The following VAV3 variants were observed in gnomAD, a reference collection of about 807,000 sequenced individuals.
VAV3 encodes vav guanine nucleotide exchange factor 3.
Under a neutral mutation model 131.2 loss-of-function variants are expected in VAV3, and 94 were observed. The observed-to-expected ratio is 0.72, with a 90% CI of 0.61 to 0.85. The LOEUF is 0.85. Among genes scored for constraint, VAV3 ranks in the 40% least tolerant of loss-of-function variants. The probability of loss-of-function intolerance (pLI) is 0.00; values close to 1 mark genes in which losing one functional copy is unlikely to be tolerated. For missense variants in VAV3, 939 were observed against 1,002.7 expected (o/e 0.94, Z 0.86); for synonymous variants, 349 against 342.0 (o/e 1.02, Z -0.22).
intron 20 of VAV3, among the ~76,000 whole-genome samples, chr1:107,624,741 T>C (rs374857795): frequency 1.3e-5 from 2 of 152,214 alleles, no homozygotes; most frequent in East Asian, 3.8e-4. Flanking sequence ...TGAGATATTT[T>C]TAAAGAATGT....
At chr1:107,828,916 A>G (rs971398800) in intron 2 of VAV3, among the ~76,000 whole-genome samples, 2 of 149,980 alleles carry the variant, frequency 1.3e-5, no homozygotes. Context: ...TACCTCTGTG[A>G]TAACACCTGC....
At chr1:107,800,165 G>A (rs1384263185) in intron 2 of VAV3, among the ~76,000 whole-genome samples, 1 of 152,110 alleles carries the variant, frequency 6.6e-6, no homozygotes, top group African/African-American at 2.4e-5. Context: ...AGTGCAGATA[G>A]ATACCTCTTC....
At chr1:107,697,395 G>A (rs1310129940) in intron 17 of VAV3, among the ~76,000 whole-genome samples, 4 of 152,108 alleles carry the variant, frequency 2.6e-5, no homozygotes, top group Non-Finnish European at 5.9e-5. Flanking sequence ...GAGAGAAAGG[G>A]CACCAACGTA....
chr1:107,729,182 A>T (rs1029112974), intron 15 of VAV3, among the ~76,000 whole-genome samples: 9 of 152,210 alleles, frequency 5.9e-5, no homozygotes, highest in African/African-American at 2.2e-4. Context: ...TGACAGCAAC[A>T]GCTTTAATTT....
chr1:107,639,852 T>C (rs1655208661), intron 20 of VAV3, among the ~76,000 whole-genome samples: 1 of 151,736 alleles, frequency 6.6e-6, no homozygotes, highest in Non-Finnish European at 1.5e-5. Context: ...GAAGATGGCT[T>C]GAGCCCAGGA....
chr1:107,859,580 T>A (rs1222554812), intron 2 of VAV3, among the ~76,000 whole-genome samples: 1 of 152,164 alleles, frequency 6.6e-6, no homozygotes, highest in East Asian at 1.9e-4. Context: ...ACTGAGTCCC[T>A]TCCACACTGA....
At chr1:107,670,795 G>A (rs1039428524) in intron 19 of VAV3, among the ~76,000 whole-genome samples, 21 of 151,928 alleles carry the variant, frequency 1.4e-4, no homozygotes, top group African/African-American at 3.6e-4. Flanking sequence ...GTAAAGTGCC[G>A]ACTCGAGTTG....
chr1:107,744,692 G>T (rs1663228012), intron 15 of VAV3, among the ~76,000 whole-genome samples: 1 of 151,944 alleles, frequency 6.6e-6, no homozygotes, highest in South Asian at 2.1e-4. Flanking sequence ...TTTTACTCAG[G>T]TTTAACTTAT....
chr1:107,936,031 T>G (rs78081346), intron 1 of VAV3, among the ~76,000 whole-genome samples: 8,781 of 152,152 alleles, frequency 0.058, 351 homozygotes, highest in African/African-American at 0.11. Context: ...TTACTGAAAT[T>G]TTATGATTTG....
chr1:107,893,253 A>G (rs1345481923), intron 1 of VAV3, among the ~76,000 whole-genome samples: 1 of 152,198 alleles, frequency 6.6e-6, no homozygotes, highest in Admixed American at 6.5e-5. Flanking sequence ...ATACTTTACT[A>G]GACTCAATTT....
chr1:107,777,393 T>G, intron 3 of VAV3, 97 bp from the exon 4 acceptor site: 2 of 1,085,694 alleles, frequency 1.8e-6, no homozygotes, highest in Non-Finnish European at 2.7e-6. Flanking sequence ...ATATGTAAGT[T>G]GTCTGCTGCC....
intron 19 of VAV3, among the ~76,000 whole-genome samples, chr1:107,661,669 T>G (rs1383966541): frequency 3.3e-5 from 5 of 152,198 alleles, no homozygotes; most frequent in African/African-American, 1.2e-4. Context: ...TGTTTATCAT[T>G]AAAGAATATA....
intron 19 of VAV3, among the ~76,000 whole-genome samples, chr1:107,660,460 C>A (rs1329286162): frequency 6.6e-6 from 1 of 152,180 alleles, no homozygotes; most frequent in Non-Finnish European, 1.5e-5. Context: ...CCATCTATTT[C>A]TTCACAGAAA....
rs568058066 is a variant in VAV3 at position 107,728,373 on chromosome 1, A to T, written c.1502+20595T>A. Among the ~76,000 whole-genome samples the T allele has an allele frequency of 6.6e-5, 10 of 152,070 alleles. 1 individual carries two copies. The South Asian group carries it at 2.1e-3, about 32-fold the overall frequency. On this transcript the variant is annotated intron_variant, in intron 15 of 26. Transcript: ENST00000370056. ...CTACTCCTGTGGCTTTGGGCAAATT[A>T]CTCTGTAGAGGAAGTCTTCTGGGTC...
chr1:107,835,193 G>A (rs1363028245), intron 2 of VAV3, among the ~76,000 whole-genome samples: 1 of 152,118 alleles, frequency 6.6e-6, no homozygotes, highest in Non-Finnish European at 1.5e-5. Context: ...GCCCCTGCCT[G>A]GCTGCTCCCA....
intron 2 of VAV3, among the ~76,000 whole-genome samples, chr1:107,811,982 A>T (rs1196510576): frequency 6.6e-6 from 1 of 152,232 alleles, no homozygotes; most frequent in Non-Finnish European, 1.5e-5. Flanking sequence ...TGGACAAATT[A>T]AGCATGCCAC....
At chr1:107,921,837 T>A (rs1029378291) in intron 1 of VAV3, among the ~76,000 whole-genome samples, 6 of 152,230 alleles carry the variant, frequency 3.9e-5, no homozygotes, top group Non-Finnish European at 8.8e-5. Flanking sequence ...TCTTAATCTG[T>A]AAAAACCAGG....
intron 5 of VAV3, among the ~76,000 whole-genome samples, chr1:107,772,267 G>T (rs1299506650): frequency 6.6e-6 from 1 of 152,088 alleles, no homozygotes; most frequent in African/African-American, 2.4e-5. Context: ...GAGTAGGAAA[G>T]CCAGGAGACT....
At chr1:107,846,246 G>A (rs545524610) in intron 2 of VAV3, among the ~76,000 whole-genome samples, 6 of 152,190 alleles carry the variant, frequency 3.9e-5, no homozygotes, top group Non-Finnish European at 7.3e-5. Context: ...ACAAGCAAAT[G>A]CTGAGAGATT....
Sources: allele counts gnomAD v4.1 joint callset (sites outside exome capture counted in the v4.1 genomes callset), GRCh38; gene constraint gnomAD v4.1.1; transcripts MANE v1.5; gene names NCBI Gene and HGNC (gene_info 2026-07-23, HGNC 2026-07-21).